The following RBFOX1 variants were observed in gnomAD, a reference collection of about 807,000 sequenced individuals.
RBFOX1 encodes RNA binding fox-1 homolog 1, also known as RNA binding protein fox-1 homolog 1.
RBFOX1 carries 8 observed loss-of-function variants against 57.7 expected under a neutral mutation model. The observed-to-expected ratio is 0.14, with a 90% CI of 0.08 to 0.25. RBFOX1 has a LOEUF of 0.25. RBFOX1 is among the 10% of genes least tolerant of loss of function. RBFOX1 has a pLI of 1.00. For synonymous variants in RBFOX1, 326 were observed against 222.4 expected (o/e 1.47, Z -4.15); for missense variants, 611 against 548.5 (o/e 1.11, Z -1.14).
At chr16:5,793,887 A>G (rs1019196532) in intron 3 of RBFOX1, among the ~76,000 whole-genome samples, 1 of 152,224 alleles carries the variant, frequency 6.6e-6, no homozygotes, top group Admixed American at 6.5e-5. Context: ...GTTCTCCCTG[A>G]TCCTCACATT....
chr16:5,671,126 C>T (rs1376764065), intron 3 of RBFOX1, among the ~76,000 whole-genome samples: 4 of 152,232 alleles, frequency 2.6e-5, no homozygotes, highest in African/African-American at 9.6e-5. Context: ...GACCATCTTG[C>T]TCTCTTCTGT....
chr16:6,566,764 A>T (rs1600089362), intron 2 of RBFOX1, among the ~76,000 whole-genome samples: 1 of 152,194 alleles, frequency 6.6e-6, no homozygotes, highest in Non-Finnish European at 1.5e-5. Flanking sequence ...GTGTTTGACA[A>T]GCATGCTTAC....
At chr16:7,473,895 C>G (rs959167588) in intron 4 of RBFOX1, among the ~76,000 whole-genome samples, 2 of 152,176 alleles carry the variant, frequency 1.3e-5, no homozygotes, top group African/African-American at 4.8e-5. Context: ...ATCCAGCTCT[C>G]AAACTTTTTG....
At chr16:6,084,280 G>T (rs1281459396) in intron 1 of RBFOX1, among the ~76,000 whole-genome samples, 2 of 151,918 alleles carry the variant, frequency 1.3e-5, no homozygotes, top group African/African-American at 2.4e-5. Flanking sequence ...GTCTTGCTCT[G>T]TCGCCCAGGC....
At chr16:5,814,459 G>T (rs919902389) in intron 3 of RBFOX1, among the ~76,000 whole-genome samples, 1 of 152,100 alleles carries the variant, frequency 6.6e-6, no homozygotes, top group Non-Finnish European at 1.5e-5. Flanking sequence ...TATAGGCTCT[G>T]TGCTGAGCAC....
At chr16:7,308,782 G>A (rs371880687) in intron 4 of RBFOX1, among the ~76,000 whole-genome samples, 7 of 152,218 alleles carry the variant, frequency 4.6e-5, no homozygotes, top group East Asian at 3.8e-4. Context: ...GGCTGCAGGC[G>A]TTGGGGAGGG....
intron 1 of RBFOX1, among the ~76,000 whole-genome samples, chr16:5,460,875 C>G (rs939755660): frequency 3.3e-5 from 5 of 152,288 alleles, no homozygotes; most frequent in African/African-American, 1.2e-4. Flanking sequence ...CTGGCTGGCA[C>G]TGTTTTGGCA....
intron 3 of RBFOX1, among the ~76,000 whole-genome samples, chr16:6,719,670 T>G (rs1478056084): frequency 2.0e-5 from 3 of 151,816 alleles, no homozygotes; most frequent in Non-Finnish European, 2.9e-5. Context: ...ATGGTCTTGA[T>G]CTCCTGACCT....
chr16:7,076,037 C>CTT (rs569963374), intron 4 of RBFOX1, among the ~76,000 whole-genome samples: 4 of 140,558 alleles, frequency 2.8e-5, no homozygotes, highest in African/African-American at 1.0e-4. Context: ...CACACTTGGG[C>CTT]TTTTTTTTTT....
intron 4 of RBFOX1, among the ~76,000 whole-genome samples, chr16:7,120,923 A>C (rs973373098): frequency 6.6e-6 from 1 of 151,620 alleles, no homozygotes; most frequent in Non-Finnish European, 1.5e-5. Flanking sequence ...ATGACCACAT[A>C]GTATTAGTCC....
intron 1 of RBFOX1, among the ~76,000 whole-genome samples, chr16:6,142,224 CTT>C (rs796460008): frequency 1.8e-4 from 19 of 102,984 alleles, no homozygotes; most frequent in Admixed American, 2.9e-4. Flanking sequence ...AAATCCAACT[CTT>C]TTTTTTTTTT....
intron 4 of RBFOX1, among the ~76,000 whole-genome samples, chr16:7,251,857 G>A (rs1859727400): frequency 1.3e-5 from 2 of 152,174 alleles, no homozygotes; most frequent in Non-Finnish European, 2.9e-5. Flanking sequence ...ACACAGTAGT[G>A]GGATTGCTGG....
chr16:5,285,659 C>G (rs2063375527), intron 1 of RBFOX1, among the ~76,000 whole-genome samples: 1 of 152,212 alleles, frequency 6.6e-6, no homozygotes, highest in Non-Finnish European at 1.5e-5. Context: ...GGATATCACA[C>G]TTTGGCTTTG....
chr16:7,441,379 A>G (rs1057329208), intron 4 of RBFOX1, among the ~76,000 whole-genome samples: 1 of 152,176 alleles, frequency 6.6e-6, no homozygotes, highest in Non-Finnish European at 1.5e-5. Flanking sequence ...TTTTCAAAGG[A>G]TTAGAGGTAG....
rs115443154 is a variant in RBFOX1, at chr16:5,249,364, G to A, written c.219+9259G>A. On this transcript the variant is annotated intron_variant, in intron 1 of 2. Coordinates refer to the RBFOX1 transcript ENST00000585867. ...ACCGTCCTCCTGGAGGGGCCTGGCC[G>A]GGGCTTGTGTCCTTGCTAGTCTCTG... Among the ~76,000 whole-genome samples, 25 of 152,310 alleles carry A rather than the reference G, an allele frequency of 1.6e-4. No individual in the cohort carries two copies. The East Asian group carries it at 2.1e-3, about 13-fold the overall frequency.
intron 3 of RBFOX1, among the ~76,000 whole-genome samples, chr16:7,025,814 G>T (rs1313224812): frequency 1.3e-5 from 2 of 152,106 alleles, no homozygotes; most frequent in East Asian, 1.9e-4. Flanking sequence ...ATTCAAACTG[G>T]AGCAGCCATA....
chr16:7,330,149 A>T (rs747342191), intron 4 of RBFOX1, among the ~76,000 whole-genome samples: 2 of 152,070 alleles, frequency 1.3e-5, no homozygotes, highest in Admixed American at 6.6e-5. Flanking sequence ...ATGGTGGGAG[A>T]TTGGTTCCAG....
chr16:6,319,213 A>G (rs190361903), intron 2 of RBFOX1, among the ~76,000 whole-genome samples: 1 of 152,296 alleles, frequency 6.6e-6, no homozygotes, highest in East Asian at 1.9e-4. Flanking sequence ...GTTGTGAAGA[A>G]TGCCATATTT....
chr16:6,483,838 GC>G (rs1156237018), intron 2 of RBFOX1: 1 of 1,237,172 alleles, frequency 8.1e-7, no homozygotes, highest in Non-Finnish European at 1.0e-6. Flanking sequence ...AGGGGACTTG[GC>G]CGTGGATGGA....
Sources: allele counts gnomAD v4.1 joint callset (sites outside exome capture counted in the v4.1 genomes callset), GRCh38; gene constraint gnomAD v4.1.1; transcripts MANE v1.5; gene names NCBI Gene and HGNC (gene_info 2026-07-23, HGNC 2026-07-21).